RARB: variants seen among roughly 807,000 people sequenced by gnomAD.
RARB encodes retinoic acid receptor beta.
In RARB, 17 loss-of-function variants were observed where a neutral mutation model predicts 51.9. That is an observed-to-expected ratio of 0.33 (90% confidence interval 0.22 to 0.49). The LOEUF is 0.49. Among genes scored for constraint, RARB ranks in the 20% least tolerant of loss-of-function variants. The pLI is 0.99. For missense variants in RARB, 369 were observed against 550.8 expected, an observed-to-expected ratio of 0.67 and a Z score of 3.30; for synonymous variants, 215 against 195.4, an observed-to-expected ratio of 1.10 and a Z score of -0.84.
At chr3:25,286,318 G>A (rs1703654746) in intron 5 of RARB, among the ~76,000 whole-genome samples, 2 of 152,192 alleles carry the variant, frequency 1.3e-5, no homozygotes, top group South Asian at 2.1e-4. Flanking sequence ...TCGATCTCCT[G>A]ACCTCGTGAT....
chr3:25,432,384 A>G (rs568678829), intron 1 of RARB, among the ~76,000 whole-genome samples: 3 of 152,344 alleles, frequency 2.0e-5, no homozygotes, highest in East Asian at 1.9e-4. Context: ...AACTTAAGCT[A>G]TGGAATTGAC....
chr3:25,376,190 T>G lies in RARB; in HGVS notation c.179-85003T>G, dbSNP rs142541454. On this transcript the variant is annotated intron_variant, in intron 5 of 11. Transcript: ENST00000383772. ...TAGAATCAGTCACATAAAATGGCAT[T>G]TTGCTCACTCTACTTTGGATATCTT... Among the ~76,000 whole-genome samples, 24 of 152,216 alleles carry G rather than the reference T, an allele frequency of 1.6e-4. No homozygotes were observed. In the East Asian group the frequency reaches 4.4e-3, roughly 28 times the overall value.
intron 4 of RARB, among the ~76,000 whole-genome samples, chr3:25,153,289 G>T (rs184702910): frequency 2.0e-5 from 3 of 152,144 alleles, no homozygotes; most frequent in African/African-American, 7.2e-5. Context: ...TTTTGTGCAC[G>T]TCATCCGCAG....
At chr3:24,884,491 ATT>A (rs148825795) in intron 2 of RARB, among the ~76,000 whole-genome samples, 3 of 152,046 alleles carry the variant, frequency 2.0e-5, no homozygotes, top group Non-Finnish European at 4.4e-5. Context: ...CATAGCACAG[ATT>A]TTTTTCCCCA....
chr3:25,373,486 G>A (rs565785769), intron 5 of RARB, among the ~76,000 whole-genome samples: 1 of 152,248 alleles, frequency 6.6e-6, no homozygotes, highest in South Asian at 2.1e-4. Flanking sequence ...GAAAGACAAG[G>A]AATAAGAAGT....
chr3:25,564,170 C>T (rs917214919), intron 3 of RARB, among the ~76,000 whole-genome samples: 4 of 152,060 alleles, frequency 2.6e-5, no homozygotes, highest in African/African-American at 9.7e-5. Context: ...GCTTGGGTGT[C>T]TGTTTTCATA....
At chr3:25,042,829 G>A (rs570671916) in intron 2 of RARB, among the ~76,000 whole-genome samples, 2 of 152,118 alleles carry the variant, frequency 1.3e-5, no homozygotes, top group South Asian at 2.1e-4. Context: ...CTGAAACTTG[G>A]TACCCCTTGA....
intron 3 of RARB, among the ~76,000 whole-genome samples, chr3:25,072,088 T>C (rs1171460396): frequency 6.6e-6 from 1 of 152,360 alleles, no homozygotes; most frequent in East Asian, 1.9e-4. Flanking sequence ...GTGTTGGTCT[T>C]TGCTGCTAGA....
chr3:25,368,934 G>A (rs568151865), intron 5 of RARB, among the ~76,000 whole-genome samples: 82 of 152,268 alleles, frequency 5.4e-4, no homozygotes, highest in African/African-American at 1.8e-3. Context: ...GAGCCACATC[G>A]TTGTTATATG....
intron 3 of RARB, among the ~76,000 whole-genome samples, chr3:25,559,625 C>T (rs551663689): frequency 1.3e-5 from 2 of 152,168 alleles, no homozygotes; most frequent in South Asian, 4.2e-4. Context: ...ACTATTTGAG[C>T]AGAAGAAGAA....
chr3:24,873,478 T>A (rs1333881593), intron 2 of RARB, among the ~76,000 whole-genome samples: 1 of 152,086 alleles, frequency 6.6e-6, no homozygotes, highest in Non-Finnish European at 1.5e-5. Flanking sequence ...CATTCTTGTT[T>A]CTTAGTTATT....
chr3:25,195,635 G>T (rs1161404253), intron 5 of RARB, among the ~76,000 whole-genome samples: 4 of 151,906 alleles, frequency 2.6e-5, no homozygotes, highest in Non-Finnish European at 5.9e-5. Flanking sequence ...GAACAAAGGT[G>T]CATTGAAAAA....
intron 2 of RARB, among the ~76,000 whole-genome samples, chr3:25,464,202 A>T (rs1314007754): frequency 1.3e-5 from 2 of 152,168 alleles, no homozygotes; most frequent in Admixed American, 6.6e-5. Context: ...ACCTGCTCTC[A>T]TCATTATCCA....
chr3:25,030,979 T>C (rs1004221323), intron 2 of RARB, among the ~76,000 whole-genome samples: 1 of 152,176 alleles, frequency 6.6e-6, no homozygotes. Flanking sequence ...TCCTTCACCT[T>C]CTACTATAGG....
intron 5 of RARB, among the ~76,000 whole-genome samples, chr3:25,328,380 C>T (rs1253853127): frequency 1.3e-5 from 2 of 152,196 alleles, no homozygotes; most frequent in African/African-American, 4.8e-5. Flanking sequence ...ATTAGCTGAG[C>T]ATGGTGGTGC....
At chr3:25,037,071 C>A (rs1211092962) in intron 2 of RARB, among the ~76,000 whole-genome samples, 3 of 152,116 alleles carry the variant, frequency 2.0e-5, no homozygotes, top group Non-Finnish European at 2.9e-5. Context: ...TCTTCAACAC[C>A]TTTCCAAATT....
chr3:25,093,860 C>T (rs1283682252), intron 3 of RARB, among the ~76,000 whole-genome samples: 1 of 152,140 alleles, frequency 6.6e-6, no homozygotes, highest in Admixed American at 6.6e-5. Context: ...CATTGCCTAG[C>T]CACCCCTTTC....
chr3:25,259,160 G>C (rs1702937974), intron 5 of RARB: 1 of 837,776 alleles, frequency 1.2e-6, no homozygotes, highest in African/African-American at 1.9e-5. Flanking sequence ...ATAGTAAATA[G>C]ATATGGTAAA....
chr3:25,323,319 C>T (rs1388077552), intron 5 of RARB, among the ~76,000 whole-genome samples: 2 of 152,164 alleles, frequency 1.3e-5, no homozygotes, highest in Non-Finnish European at 2.9e-5. Flanking sequence ...TACAAAAGGA[C>T]ATGTGGGATA....
Sources: gnomAD v4.1 joint callset for allele counts (sites outside exome capture counted in the v4.1 genomes callset) on GRCh38, gnomAD v4.1.1 for gene constraint, MANE v1.5 for transcripts, NCBI Gene and HGNC (gene_info 2026-07-23, HGNC 2026-07-21) for gene names.